The following DCAF5 variants were observed in gnomAD, a reference collection of about 807,000 sequenced individuals.
DCAF5 encodes DDB1- and CUL4-associated factor 5.
In DCAF5, 9 loss-of-function variants were observed where a neutral mutation model predicts 80.7. The ratio of observed to expected loss-of-function variants is 0.11; its 90% CI spans 0.07 to 0.19. The LOEUF is 0.19. Among genes scored for constraint, DCAF5 ranks in the 10% least tolerant of loss-of-function variants. The pLI, the probability that DCAF5 is intolerant of heterozygous loss-of-function variation, is 1.00. For missense variants in DCAF5, 842 were observed against 1,205.7 expected (o/e 0.70, Z 4.47); for synonymous variants, 433 against 461.9 (o/e 0.94, Z 0.80).
intron 8 of DCAF5, among the ~76,000 whole-genome samples, chr14:69,058,617 G>A (rs1329341390): frequency 6.6e-6 from 1 of 152,028 alleles, no homozygotes; most frequent in Non-Finnish European, 1.5e-5. Flanking sequence ...GCTCACACCT[G>A]TAATCCCAGG....
rs184121204 is a variant in DCAF5, at chr14:69,123,112, A to C, written c.215-752T>G. On this transcript the variant is annotated intron_variant, in intron 1 of 8. Transcript: ENST00000341516. Reference sequence around the variant, plus strand: ...CCATTCAATGAAAAATGCAGCCACAAATGATAGCACATCCATACAAGGGCA... The same window carrying C: ...CCATTCAATGAAAAATGCAGCCACACATGATAGCACATCCATACAAGGGCA... 6.8e-4 allele frequency among the ~76,000 whole-genome samples: 103 copies of C among 152,352 alleles called. 2 individuals are homozygous for C. In the East Asian group the frequency reaches 0.018, roughly 27 times the overall value.
intron 5 of DCAF5, among the ~76,000 whole-genome samples, chr14:69,099,594 T>A (rs12437418): frequency 0.3 from 46,295 of 151,936 alleles, 9,376 homozygotes; most frequent in East Asian, 0.9. Flanking sequence ...CATGTAAGGA[T>A]CCAACAAGAT....
At position 69,152,136 on chromosome 14, in the gene DCAF5, G is replaced by A. The variant is rs2041726035; in HGVS notation, c.214+629C>T. ...ACTGTATTAAAAACAAGACGCAGAA[G>A]AGGCCACAACCGAACGAAAGGCGAT... is the stretch of plus-strand genomic sequence containing the variant. On this transcript the variant is annotated intron_variant, in intron 1 of 8. Transcript: ENST00000341516. This position sits in a 1 kb window ranked among gnomAD's most constrained non-coding sequence, Gnocchi z 4.1. 6.6e-6 allele frequency among the ~76,000 whole-genome samples: 1 copy of A among 152,192 alleles called. No individual in the cohort carries two copies. Among genetic ancestry groups the A allele is most frequent in the African/African-American group, 2.4e-5 (1 of 41,444 alleles).
rs1322178039 is a variant in DCAF5 at position 69,054,190 on chromosome 14, G to A, written c.2496C>T (p.His832=). ...ERSLETICAN[H]NNGRLHPRPP... The stretch of plus-strand genomic sequence containing the variant: ...GACGAGGGTGTAAGCGTCCATTGTT[G>A]TGGTTGGCACAGATGGTTTCGAGGC... Residue 832 remains histidine, a synonymous_variant, in exon 9 of 9, where the codon CAC becomes CAT. Transcript: ENST00000341516. 6.2e-7 allele frequency: 1 copy of A among 1,614,136 alleles called. No homozygotes were observed. Among genetic ancestry groups the A allele is most frequent in the Admixed American group, 1.7e-5 (1 of 60,012 alleles).
intron 6 of DCAF5, chr14:69,085,405 T>C (rs1002734904): frequency 1.7e-5 from 9 of 535,680 alleles, no homozygotes; most frequent in Non-Finnish European, 3.2e-5. Flanking sequence ...TGCCTTTCTT[T>C]CATCTTGAAT....
intron 5 of DCAF5, among the ~76,000 whole-genome samples, chr14:69,097,118 G>A (rs2039748610): frequency 6.6e-6 from 1 of 152,050 alleles, no homozygotes; most frequent in East Asian, 1.9e-4. Context: ...GAGGAAAGAA[G>A]AAAAGTCTGG....
In DCAF5 at chr14:69,053,595, A is replaced by AGGC; in HGVS notation, c.*261_*262insGCC. 1.1e-5 allele frequency: 5 copies of AGGC among 441,292 alleles called. No homozygotes were observed. Among genetic ancestry groups the AGGC allele is most frequent in the Non-Finnish European group, 2.0e-5 (5 of 249,178 alleles). 27.3% of individuals were successfully genotyped at this position (441,292 alleles called of 1,614,324 possible). On this transcript the variant is annotated 3_prime_UTR_variant, in exon 9 of 9. Coordinates refer to ENST00000341516, the MANE Select transcript of DCAF5 (RefSeq NM_003861.3). Reference sequence around the variant, plus strand: ...ACTTCCACAGAGCCTTGCGCGGCACACTACGCTCACGTCTCACTAGAAAGG... The same window carrying AGGC: ...ACTTCCACAGAGCCTTGCGCGGCACAGGCCTACGCTCACGTCTCACTAGAAAGG...
chr14:69,095,976 TC>T (rs2039697341), intron 5 of DCAF5, among the ~76,000 whole-genome samples: 1 of 152,150 alleles, frequency 6.6e-6, no homozygotes. Context: ...CAAGGTCCTT[TC>T]TATGGGAGAA....
intron 1 of DCAF5, among the ~76,000 whole-genome samples, chr14:69,134,882 C>T (rs1179105883): frequency 1.3e-5 from 2 of 152,116 alleles, no homozygotes; most frequent in African/African-American, 2.4e-5. Flanking sequence ...TGACATATAT[C>T]GAATGTATCT....
At chr14:69,093,913 T>G (rs1233598308) in intron 5 of DCAF5, among the ~76,000 whole-genome samples, 1 of 152,172 alleles carries the variant, frequency 6.6e-6, no homozygotes, top group Non-Finnish European at 1.5e-5. Flanking sequence ...ATAATGGTCC[T>G]AAACACAGGC....
At chr14:69,144,235 A>T (rs1459847063) in intron 1 of DCAF5, among the ~76,000 whole-genome samples, 2 of 145,666 alleles carry the variant, frequency 1.4e-5, no homozygotes, top group Non-Finnish European at 3.0e-5. Context: ...GTTACAAGAT[A>T]AAAAAAAAAA....
At chr14:69,119,390 TAAG>T (rs1163658254) in intron 2 of DCAF5, among the ~76,000 whole-genome samples, 160 bp from the exon 3 acceptor site, 1 of 152,066 alleles carries the variant, frequency 6.6e-6, no homozygotes, top group African/African-American at 2.4e-5. Context: ...AGAAATAATT[TAAG>T]AAGGATAGGA....
At chr14:69,114,959 C>T (rs968499584) in intron 5 of DCAF5, among the ~76,000 whole-genome samples, 1 of 152,166 alleles carries the variant, frequency 6.6e-6, no homozygotes, top group African/African-American at 2.4e-5. Context: ...AGATAAACAG[C>T]TCAGTGCCCC....
rs777110166 is a variant in DCAF5, at chr14:69,152,805, G to A, written c.174C>T (p.Ala58=). Residue 58 remains alanine, a synonymous_variant, in exon 1 of 9, where the codon GCC becomes GCT. Coordinates refer to ENST00000341516, the MANE Select transcript of DCAF5 (RefSeq NM_003861.3). This position sits in a 1 kb window ranked among gnomAD's most constrained non-coding sequence, Gnocchi z 4.1. The stretch of plus-strand genomic sequence containing the variant: ...GGCCTCCATTGTTGGAGAATTCAAT[G>A]GCATTGACACAGCCGAAGTGGCCGA... The part of the protein sequence containing the change: ...DLLGHFGCVN[A]IEFSNNGGQW... 1.9e-6 allele frequency: 3 copies of A among 1,614,032 alleles called. No homozygotes were observed. Among genetic ancestry groups the A allele is most frequent in the Non-Finnish European group, 2.5e-6 (3 of 1,179,970 alleles).
intron 1 of DCAF5, among the ~76,000 whole-genome samples, chr14:69,131,187 G>C (rs1327195850): frequency 2.6e-5 from 4 of 152,186 alleles, no homozygotes; most frequent in Non-Finnish European, 4.4e-5. Context: ...AAAATGGTTA[G>C]CAGAGGTCAT....
chr14:69,136,460 A>T (rs1032212739), intron 1 of DCAF5, among the ~76,000 whole-genome samples: 2 of 152,194 alleles, frequency 1.3e-5, no homozygotes, highest in Non-Finnish European at 2.9e-5. Flanking sequence ...ATTTTGCAAG[A>T]TTAAATGTGA....
rs375203333 is a variant in DCAF5 at position 69,081,848 on chromosome 14, A to T, written c.880-6437T>A. 2.6e-5 allele frequency among the ~76,000 whole-genome samples: 4 copies of T among 152,202 alleles called. No homozygotes were observed. The East Asian group carries it at 7.7e-4, about 29-fold the overall frequency. On this transcript the variant is annotated intron_variant, in intron 6 of 8. Coordinates refer to ENST00000341516, the MANE Select transcript of DCAF5 (RefSeq NM_003861.3). ...TGATGAAGAAGGAAACATATCAATC[A>T]GTTACTATTCATTGAGTACTGATCA...
At chr14:69,108,548 C>T (rs2040244766) in intron 5 of DCAF5, among the ~76,000 whole-genome samples, 1 of 151,912 alleles carries the variant, frequency 6.6e-6, no homozygotes, top group Non-Finnish European at 1.5e-5. Context: ...ATGTTTATGG[C>T]AGAGGGAGGG....
chr14:69,128,988 C>T (rs904788544), intron 1 of DCAF5, among the ~76,000 whole-genome samples: 1 of 152,058 alleles, frequency 6.6e-6, no homozygotes, highest in Non-Finnish European at 1.5e-5. Flanking sequence ...AATATCTATA[C>T]CTTTGTGCCC....
Sources: gnomAD v4.1 joint callset for allele counts (sites outside exome capture counted in the v4.1 genomes callset) on GRCh38, gnomAD v4.1.1 for gene constraint, Gnocchi (gnomAD v3.1) non-coding constraint, MANE v1.5 for transcripts, NCBI Gene and HGNC (gene_info 2026-07-23, HGNC 2026-07-21) for gene names.